ADAM12: variants seen among roughly 807,000 people sequenced by gnomAD.
The protein encoded by ADAM12 is disintegrin and metalloproteinase domain-containing protein 12.
Under a neutral mutation model 106.4 loss-of-function variants are expected in ADAM12, and 70 were observed. The ratio of observed to expected loss-of-function variants is 0.66; its 90% CI spans 0.54 to 0.80. The LOEUF (loss-of-function observed/expected upper bound fraction) is 0.80, where lower values mean the gene tolerates loss of function less well. Among genes scored for constraint, ADAM12 ranks in the 30% least tolerant of loss-of-function variants. The pLI is 0.00. For missense variants in ADAM12, 1,010 were observed against 1,171.9 expected (o/e 0.86, Z 2.02); for synonymous variants, 420 against 433.5 (o/e 0.97, Z 0.39).
chr10:126,380,268 T>C (rs1174704352), intron 1 of ADAM12, among the ~76,000 whole-genome samples: 1 of 152,182 alleles, frequency 6.6e-6, no homozygotes, highest in Admixed American at 6.5e-5. Context: ...GAAAGTGTAA[T>C]ATTCAATGTG....
intron 8 of ADAM12, among the ~76,000 whole-genome samples, 160 bp downstream of exon 8, chr10:126,108,433 C>T (rs1431458389): frequency 1.3e-5 from 2 of 152,058 alleles, no homozygotes; most frequent in Non-Finnish European, 2.9e-5. Context: ...CTGAAGCTGC[C>T]CCAGGACCCA....
intron 3 of ADAM12, among the ~76,000 whole-genome samples, chr10:126,225,986 G>A (rs1033791048): frequency 1.3e-5 from 2 of 152,150 alleles, no homozygotes; most frequent in African/African-American, 4.8e-5. Flanking sequence ...CATGAAATGG[G>A]CATCTGGGGT....
chr10:126,308,732 G>C (rs1357006940), intron 2 of ADAM12, among the ~76,000 whole-genome samples: 1 of 152,194 alleles, frequency 6.6e-6, no homozygotes, highest in African/African-American at 2.4e-5. Context: ...GATGCCTGGT[G>C]TACTTTGTGG....
At chr10:126,386,462 G>C (rs1394185216) in intron 1 of ADAM12, among the ~76,000 whole-genome samples, 2 of 152,072 alleles carry the variant, frequency 1.3e-5, no homozygotes, top group African/African-American at 2.4e-5. Flanking sequence ...AGAATCTAAG[G>C]GTAAACAAGC....
intron 5 of ADAM12, among the ~76,000 whole-genome samples, chr10:126,120,929 A>G (rs1956074770): frequency 7.2e-6 from 1 of 138,594 alleles, no homozygotes; most frequent in Admixed American, 8.0e-5. Flanking sequence ...ATATAATTAT[A>G]TATTATATAT....
At chr10:126,181,323 C>T (rs1293565300) in intron 3 of ADAM12, among the ~76,000 whole-genome samples, 3 of 152,222 alleles carry the variant, frequency 2.0e-5, no homozygotes, top group South Asian at 2.1e-4. Flanking sequence ...CCAACACCCT[C>T]GGTTTTCCAA....
At chr10:126,383,153 G>C (rs905925534) in intron 1 of ADAM12, among the ~76,000 whole-genome samples, 2 of 151,850 alleles carry the variant, frequency 1.3e-5, no homozygotes, top group Non-Finnish European at 2.9e-5. Context: ...GGGTTGGGGG[G>C]TGTGGCTCAC....
In ADAM12 at chr10:126,245,699, A is replaced by C. The variant is rs554376882; in HGVS notation, c.260+33216T>G. ...GGAGAGGTTGGGAGCACCAGGAAAA[A>C]GTTATCATGGGAGTCAGGGCAGGGG... is the stretch of plus-strand genomic sequence containing the variant. On this transcript the variant is annotated intron_variant, in intron 3 of 22. Transcript: ENST00000448723. 1.1e-4 allele frequency among the ~76,000 whole-genome samples: 17 copies of C among 152,286 alleles called. No individual in the cohort carries two copies. The South Asian group carries it at 3.3e-3, about 30-fold the overall frequency.
intron 2 of ADAM12, among the ~76,000 whole-genome samples, chr10:126,312,796 T>A (rs1287090069): frequency 6.6e-6 from 1 of 152,094 alleles, no homozygotes; most frequent in Admixed American, 6.5e-5. Context: ...CCCGGGGACA[T>A]CAGCACATCT....
At chr10:126,147,387 C>G (rs865784627) in intron 4 of ADAM12, among the ~76,000 whole-genome samples, 2 of 152,184 alleles carry the variant, frequency 1.3e-5, no homozygotes, top group African/African-American at 4.8e-5. Flanking sequence ...CTGACTACGA[C>G]TTCATGCTGG....
intron 2 of ADAM12, among the ~76,000 whole-genome samples, chr10:126,300,216 G>C (rs1486754377): frequency 6.6e-6 from 1 of 152,160 alleles, no homozygotes; most frequent in Non-Finnish European, 1.5e-5. Context: ...AAGAACTGGG[G>C]TCAGGGTCAA....
chr10:126,042,199 C>A (rs771984965), intron 18 of ADAM12: 25 of 1,613,720 alleles, frequency 1.5e-5, no homozygotes, highest in Non-Finnish European at 1.9e-5. Context: ...GCCCTGGCCG[C>A]GCTCCCTGTT....
intron 1 of ADAM12, among the ~76,000 whole-genome samples, chr10:126,366,847 C>T (rs1016630579): frequency 6.6e-6 from 1 of 152,020 alleles, no homozygotes; most frequent in African/African-American, 2.4e-5. Context: ...GAAATTTCAT[C>T]ATGATAAACA....
chr10:126,039,480 T>C (rs746091895), intron 18 of ADAM12, 51 bp from the exon 19 acceptor site: 2 of 1,609,794 alleles, frequency 1.2e-6, no homozygotes, highest in Admixed American at 1.7e-5. Context: ...CAATGAAATA[T>C]GGGAGGTATC....
intron 1 of ADAM12, among the ~76,000 whole-genome samples, chr10:126,367,709 T>C (rs1360335573): frequency 6.6e-6 from 1 of 151,944 alleles, no homozygotes; most frequent in East Asian, 1.9e-4. Flanking sequence ...GAGGGGTACG[T>C]CATTACAGAT....
At chr10:126,239,981 C>T (rs574968901) in intron 3 of ADAM12, among the ~76,000 whole-genome samples, 38 of 152,336 alleles carry the variant, frequency 2.5e-4, no homozygotes, top group Non-Finnish European at 2.4e-4. Context: ...CCCTGCCCTC[C>T]TCCTCCATCC....
intron 3 of ADAM12, among the ~76,000 whole-genome samples, chr10:126,274,493 C>T (rs2133744099): frequency 6.6e-6 from 1 of 152,292 alleles, no homozygotes; most frequent in South Asian, 2.1e-4. Context: ...AACCCAAGCA[C>T]AGGATTTTAC....
intron 6 of ADAM12, among the ~76,000 whole-genome samples, chr10:126,115,596 T>C (rs1955966757): frequency 6.6e-6 from 1 of 152,212 alleles, no homozygotes; most frequent in South Asian, 2.1e-4. Flanking sequence ...GATTTATTCC[T>C]GATGCTCTGT....
intron 21 of ADAM12, among the ~76,000 whole-genome samples, chr10:126,034,527 A>G (rs141875336): frequency 6.6e-6 from 1 of 152,330 alleles, no homozygotes; most frequent in East Asian, 1.9e-4. Context: ...CAGAGAGAAC[A>G]AACAGAATAA....
Sources: gnomAD v4.1 joint callset for allele counts (sites outside exome capture counted in the v4.1 genomes callset) on GRCh38, gnomAD v4.1.1 for gene constraint, MANE v1.5 for transcripts, NCBI Gene and HGNC (gene_info 2026-07-23, HGNC 2026-07-21) for gene names.